The following MTMR8 variants were observed in gnomAD, a reference collection of about 807,000 sequenced individuals.
MTMR8 encodes the protein phosphatidylinositol-3,5-bisphosphate 3-phosphatase MTMR8.
In MTMR8, 65 loss-of-function variants were observed where a neutral mutation model predicts 39.3. That is an observed-to-expected ratio of 1.65 (90% CI 1.35 to 2.03). MTMR8 has a LOEUF of 2.03. MTMR8 is among the 30% of genes most tolerant of loss of function. The pLI is 0.00. For missense variants in MTMR8, 777 were observed against 538.9 expected (o/e 1.44, Z -4.37); for synonymous variants, 245 against 185.2 (o/e 1.32, Z -2.62).
intron 10 of MTMR8, among the ~76,000 whole-genome samples, chrX:64,335,011 G>T (rs994390854): frequency 8.9e-6 from 1 of 111,911 alleles, no homozygotes; most frequent in African/African-American, 3.3e-5. Flanking sequence ...ATGTTTGTGG[G>T]TGAAGGAAGA....
intron 12 of MTMR8, among the ~76,000 whole-genome samples, chrX:64,282,357 G>C (rs765798074): frequency 1.8e-4 from 20 of 111,360 alleles, no homozygotes; most frequent in African/African-American, 6.5e-4. Flanking sequence ...ACTGAGGCCT[G>C]TCAGAAGGGG....
intron 10 of MTMR8, among the ~76,000 whole-genome samples, chrX:64,333,878 C>A (rs1923004901): frequency 9.0e-6 from 1 of 111,513 alleles, no homozygotes; most frequent in Non-Finnish European, 1.9e-5. Flanking sequence ...CCTTGAGATT[C>A]TCCTCTCTTA....
intron 1 of MTMR8, among the ~76,000 whole-genome samples, chrX:64,373,269 T>G (rs1924175280): frequency 9.0e-6 from 1 of 111,668 alleles, no homozygotes; most frequent in South Asian, 3.8e-4. Context: ...CCAAATCCTA[T>G]GTTGAATTGT....
chrX:64,318,563 C>T (rs1376084880), intron 12 of MTMR8, among the ~76,000 whole-genome samples: 2 of 110,935 alleles, frequency 1.8e-5, no homozygotes, highest in African/African-American at 3.3e-5. Context: ...AGTCAATCTG[C>T]CTTCTACTCT....
chrX:64,311,239 C>T (rs1458588408), intron 12 of MTMR8, among the ~76,000 whole-genome samples: 1 of 112,062 alleles, frequency 8.9e-6, no homozygotes, highest in East Asian at 2.8e-4. Flanking sequence ...ATTTGCATTT[C>T]TCTGATGACC....
chrX:64,366,957 C>A (rs753266393), intron 1 of MTMR8, among the ~76,000 whole-genome samples: 1 of 111,400 alleles, frequency 9.0e-6, no homozygotes, highest in African/African-American at 3.3e-5. Context: ...AAACTAACTA[C>A]CATCAGAGAA....
At chrX:64,337,897 T>G (rs756505147) in intron 8 of MTMR8, among the ~76,000 whole-genome samples, 1 of 111,824 alleles carries the variant, frequency 8.9e-6, no homozygotes, top group African/African-American at 3.2e-5. Flanking sequence ...TGTAAAGATC[T>G]GGGCAGTTAT....
intron 12 of MTMR8, among the ~76,000 whole-genome samples, chrX:64,284,711 G>A (rs7057868): frequency 0.24 from 26,010 of 110,383 alleles, 7,531 homozygotes; most frequent in African/African-American, 0.82. Context: ...AGAATTTCAT[G>A]TCCAGCCAAA....
chrX:64,276,655 T>C (rs1190292357), intron 12 of MTMR8, among the ~76,000 whole-genome samples: 1 of 111,888 alleles, frequency 8.9e-6, no homozygotes, highest in Admixed American at 9.5e-5. Flanking sequence ...CTGTTTGTTA[T>C]GATTTCCATT....
At chrX:64,371,011 G>A (rs1389816250) in intron 1 of MTMR8, among the ~76,000 whole-genome samples, 2 of 111,132 alleles carry the variant, frequency 1.8e-5, no homozygotes, top group Admixed American at 1.9e-4. Flanking sequence ...AAAATAATTA[G>A]CCAGACATGG....
At chrX:64,297,360 T>A (rs1261038211) in intron 12 of MTMR8, among the ~76,000 whole-genome samples, 6 of 108,313 alleles carry the variant, frequency 5.5e-5, no homozygotes, top group African/African-American at 2.0e-4. Flanking sequence ...CATGTGTTTT[T>A]TGGCGGCATA....
chrX:64,371,741 A>C (rs1202766883), intron 1 of MTMR8, among the ~76,000 whole-genome samples: 3 of 111,219 alleles, frequency 2.7e-5, no homozygotes, highest in Non-Finnish European at 5.7e-5. Flanking sequence ...AGATTCTGCC[A>C]ATAATAGGAG....
chrX:64,297,839 A>C lies in MTMR8; in HGVS notation c.1482-26766T>G, dbSNP rs776051372. Among the ~76,000 whole-genome samples, 264 of 109,982 alleles carry C rather than the reference A, an allele frequency of 2.4e-3. 2 individuals carry two copies. Among genetic ancestry groups the C allele is most frequent in the African/African-American group, 8.4e-3 (254 of 30,226 alleles). On this transcript the variant is annotated intron_variant, in intron 12 of 13. Transcript: ENST00000374852. ...CCCAGCACCATTTATTAAATAGGGA[A>C]TCCTTTCCCCATTGCTTGTTTTTCT...
At chrX:64,308,190 C>CA (rs963462246) in intron 12 of MTMR8, among the ~76,000 whole-genome samples, 5 of 108,704 alleles carry the variant, frequency 4.6e-5, no homozygotes, top group African/African-American at 1.0e-4. Context: ...GCTAAGAATT[C>CA]AAAAAAACTT....
At chrX:64,370,911 G>T (rs987481916) in intron 1 of MTMR8, among the ~76,000 whole-genome samples, 1 of 111,933 alleles carries the variant, frequency 8.9e-6, no homozygotes, top group African/African-American at 3.2e-5. Flanking sequence ...CCAGCACTTT[G>T]GGAAGCCAAG....
intron 1 of MTMR8, among the ~76,000 whole-genome samples, chrX:64,380,789 C>A (rs971840487): frequency 2.7e-5 from 3 of 111,201 alleles, no homozygotes; most frequent in African/African-American, 9.8e-5. Context: ...GTTCCCCTTG[C>A]TGTGTCCATG....
chrX:64,356,362 G>A (rs779646266), intron 2 of MTMR8, 24 bp from the exon 3 acceptor site: 156 of 1,177,491 alleles, frequency 1.3e-4, no homozygotes, highest in Non-Finnish European at 1.6e-4. Context: ...AAGAACCAGC[G>A]TAAACATACA....
Position 64,268,686 on chromosome X carries a change from C to A in MTMR8, c.1966G>T (p.Gly656Trp), listed in dbSNP as rs746145136. The A allele has an allele frequency of 8.3e-7, 1 of 1,211,630 alleles. No individual in the cohort carries two copies. The highest frequency in any genetic ancestry group is 1.8e-5 in the South Asian group (1 of 56,964). The change falls in exon 14 of 14, where the codon GGG becomes TGG. Residue 656 changes from glycine (G) to tryptophan (W), a missense_variant. Gly to Trp is a radical substitution (Grantham distance 184). Transcript: ENST00000374852. Reference protein sequence around the residue: ...TGFSKDLGICGAMDISEATGI... With the variant: ...TGFSKDLGICWAMDISEATGI... ...GTGGCCTCAGAGATGTCCATGGCCC[C>A]ACAGATTCCTAAGTCTTTGGAGAAG...
At chrX:64,284,176 C>T (rs998328095) in intron 12 of MTMR8, among the ~76,000 whole-genome samples, 7 of 111,887 alleles carry the variant, frequency 6.3e-5, no homozygotes, top group Non-Finnish European at 1.1e-4. Flanking sequence ...ATGTGACGTA[C>T]GCACAAGCTT....
Sources: gnomAD v4.1 joint callset for allele counts (sites outside exome capture counted in the v4.1 genomes callset) on GRCh38, gnomAD v4.1.1 for gene constraint, MANE v1.5 for transcripts, NCBI Gene and HGNC (gene_info 2026-07-23, HGNC 2026-07-21) for gene names.